The following DMD variants were observed in gnomAD, a reference collection of about 807,000 sequenced individuals.
DMD encodes dystrophin, also known as mutant dystrophin.
A neutral mutation model predicts 330.1 loss-of-function variants in DMD; 63 were observed. That is an observed-to-expected ratio of 0.19 (90% CI 0.16 to 0.24). The LOEUF is 0.24. Among genes scored for constraint, DMD ranks in the 10% least tolerant of loss-of-function variants. DMD has a pLI of 1.00. For missense variants in DMD, 3,344 were observed against 2,684.1 expected (o/e 1.25, Z -5.43); for synonymous variants, 1,223 against 959.8 (o/e 1.27, Z -5.07).
At chrX:32,529,379 C>A (rs778724919) in intron 17 of DMD, among the ~76,000 whole-genome samples, 63 of 31,063 alleles carry the variant, frequency 2.0e-3, no homozygotes, top group African/African-American at 8.7e-3. Flanking sequence ...CAAAAATCAA[C>A]TTTTTTTTTT....
At chrX:32,879,372 T>A (rs1169570266) in intron 2 of DMD, among the ~76,000 whole-genome samples, 1 of 111,931 alleles carries the variant, frequency 8.9e-6, no homozygotes, top group Non-Finnish European at 1.9e-5. Context: ...TTGTGTTGCT[T>A]ATTCACCAGT....
chrX:33,030,606 T>C (rs986419684), intron 1 of DMD, among the ~76,000 whole-genome samples: 2 of 111,587 alleles, frequency 1.8e-5, no homozygotes, highest in Non-Finnish European at 3.8e-5. Flanking sequence ...TTTGTTAAAG[T>C]AATAACCATA....
intron 45 of DMD, among the ~76,000 whole-genome samples, chrX:31,932,883 G>C (rs2094876874): frequency 8.9e-6 from 1 of 112,298 alleles, no homozygotes; most frequent in Non-Finnish European, 1.9e-5. Context: ...ATTTAGGTTT[G>C]GAAAATTCTT....
At chrX:31,207,161 A>G (rs2044161237) in intron 65 of DMD, among the ~76,000 whole-genome samples, 1 of 111,734 alleles carries the variant, frequency 8.9e-6, no homozygotes, top group Non-Finnish European at 1.9e-5. Context: ...CCTTATTGAA[A>G]GAAAATTAAT....
At chrX:31,431,441 C>T (rs12688116) in intron 60 of DMD, among the ~76,000 whole-genome samples, 3 of 110,563 alleles carry the variant, frequency 2.7e-5, no homozygotes, top group African/African-American at 6.6e-5. Flanking sequence ...CTTGTTGCCC[C>T]GGCTGGAGTG....
intron 6 of DMD, among the ~76,000 whole-genome samples, chrX:32,810,233 T>C (rs1182950289): frequency 6.3e-5 from 7 of 111,852 alleles, no homozygotes; most frequent in African/African-American, 1.3e-4. Flanking sequence ...ACAAATAATC[T>C]ACGCTAGCTT....
At chrX:32,808,395 TCA>T (rs1170946377) in intron 7 of DMD, among the ~76,000 whole-genome samples, 2 of 111,998 alleles carry the variant, frequency 1.8e-5, no homozygotes, top group Non-Finnish European at 3.8e-5. Context: ...TTGTTATATC[TCA>T]TTTAAGATTA....
intron 42 of DMD, among the ~76,000 whole-genome samples, chrX:32,291,698 T>C (rs1036344397): frequency 1.8e-5 from 2 of 111,839 alleles, no homozygotes; most frequent in Admixed American, 1.9e-4. Context: ...TACATGCTTG[T>C]GTATGTGTGC....
chrX:32,511,524 GAAAAAAA>G (rs67754841), intron 18 of DMD, among the ~76,000 whole-genome samples: 5 of 49,795 alleles, frequency 1.0e-4, no homozygotes, highest in Non-Finnish European at 1.4e-4. Flanking sequence ...TCCGTCTCGG[GAAAAAAA>G]AAAAAAAAAA....
chrX:33,146,161 T>C (rs990507844), intron 1 of DMD, among the ~76,000 whole-genome samples: 3 of 110,893 alleles, frequency 2.7e-5, no homozygotes, highest in Non-Finnish European at 5.7e-5. Flanking sequence ...CCCAAAGTGC[T>C]GGGATTACAG....
In DMD at chrX:33,209,175, T is replaced by C. The variant is rs187175908; in HGVS notation, c.31+2107A>G. ...TGCATAGAACACTTTGTAGTCTTTT[T>C]TTAAAGTTTAGAGTAACATCTATAT... On this transcript the variant is annotated intron_variant, in intron 1 of 78. Coordinates refer to ENST00000357033, the MANE Select transcript of DMD (RefSeq NM_004006.3). Among the ~76,000 whole-genome samples the C allele has an allele frequency of 1.0e-3, 115 of 111,575 alleles. 2 individuals are homozygous for C. The highest frequency in any genetic ancestry group is 1.6e-3 in the Admixed American group (17 of 10,443).
intron 1 of DMD, among the ~76,000 whole-genome samples, chrX:33,299,769 C>T (rs765999206): frequency 9.0e-6 from 1 of 111,716 alleles, no homozygotes; most frequent in South Asian, 3.7e-4. Context: ...TTCCTCCATG[C>T]CATTTTTACA....
At chrX:31,580,834 T>C (rs973782465) in intron 55 of DMD, among the ~76,000 whole-genome samples, 5 of 111,853 alleles carry the variant, frequency 4.5e-5, no homozygotes, top group Non-Finnish European at 9.4e-5. Flanking sequence ...TCTGTCCTTA[T>C]AGTTCTCATT....
At chrX:32,845,856 G>A (rs774752862) in intron 3 of DMD, among the ~76,000 whole-genome samples, 1 of 111,973 alleles carries the variant, frequency 8.9e-6, no homozygotes, top group East Asian at 2.8e-4. Context: ...TTAGCAAGAG[G>A]CATACACAAG....
intron 61 of DMD, among the ~76,000 whole-genome samples, chrX:31,336,835 A>C (rs1291035132): frequency 8.9e-6 from 1 of 111,882 alleles, no homozygotes; most frequent in Non-Finnish European, 1.9e-5. Flanking sequence ...ATACTGTAAT[A>C]GTCTGAAGTC....
intron 4 of DMD, among the ~76,000 whole-genome samples, chrX:32,825,467 G>C: frequency 8.9e-6 from 1 of 111,789 alleles, no homozygotes. Context: ...GTTCACAACA[G>C]AAGGTCACAT....
In DMD at chrX:33,113,821, G is replaced by A. The variant is rs190726277; in HGVS notation, c.32-93621C>T. ...TATTGCATTTTAACATGATGTTTAT[G>A]TAATCTAATGAGAAAAGTAAATTCT... On this transcript the variant is annotated intron_variant, in intron 1 of 78. Coordinates refer to ENST00000357033, the MANE Select transcript of DMD (RefSeq NM_004006.3). 8.1e-5 allele frequency among the ~76,000 whole-genome samples: 9 copies of A among 111,035 alleles called. No individual in the cohort carries two copies. In the East Asian group the frequency reaches 2.0e-3, roughly 25 times the overall value.
At chrX:31,912,680 A>T (rs2094561702) in intron 47 of DMD, among the ~76,000 whole-genome samples, 1 of 111,708 alleles carries the variant, frequency 9.0e-6, no homozygotes, top group Non-Finnish European at 1.9e-5. Context: ...ATCTCAGTCC[A>T]TTTTTGTAGG....
At chrX:31,472,443 A>T (rs779900756) in intron 59 of DMD, among the ~76,000 whole-genome samples, 2 of 112,789 alleles carry the variant, frequency 1.8e-5, no homozygotes, top group Non-Finnish European at 3.7e-5. Context: ...AGAGAAAAGC[A>T]ATAAGGGAAG....
Sources: allele counts gnomAD v4.1 joint callset (sites outside exome capture counted in the v4.1 genomes callset), GRCh38; gene constraint gnomAD v4.1.1; transcripts MANE v1.5; gene names NCBI Gene and HGNC (gene_info 2026-07-23, HGNC 2026-07-21).